Variants in TMOD1 observed in about 807,000 individuals in gnomAD.
The protein encoded by TMOD1 is tropomodulin-1.
A neutral mutation model predicts 40.6 loss-of-function variants in TMOD1; 17 were observed. The ratio of observed to expected loss-of-function variants is 0.42; its 90% CI spans 0.29 to 0.63. The LOEUF (loss-of-function observed/expected upper bound fraction) is 0.63, where lower values mean the gene tolerates loss of function less well. TMOD1 is among the 20% of genes least tolerant of loss of function. TMOD1 has a pLI of 0.22. For missense variants in TMOD1, 391 were observed against 447.6 expected (o/e 0.87, Z 1.14); for synonymous variants, 181 against 175.0 (o/e 1.03, Z -0.27).
At chr9:97,515,865 T>C (rs1440357918) in intron 1 of TMOD1, among the ~76,000 whole-genome samples, 2 of 152,066 alleles carry the variant, frequency 1.3e-5, no homozygotes, top group African/African-American at 4.8e-5. Flanking sequence ...CCATCACAGG[T>C]GACAACACGC....
chr9:97,547,877 A>C (rs903137354), intron 3 of TMOD1, among the ~76,000 whole-genome samples: 7 of 152,212 alleles, frequency 4.6e-5, no homozygotes, highest in African/African-American at 1.7e-4. Flanking sequence ...TACTCCCAGC[A>C]TGCAGCCAGT....
At chr9:97,546,394 G>A (rs2131247455) in intron 3 of TMOD1, 53 bp downstream of exon 3, 1 of 1,573,990 alleles carries the variant, frequency 6.4e-7, no homozygotes, top group Non-Finnish European at 8.6e-7. Flanking sequence ...ACCATTGAGT[G>A]CCGACTGTAT....
intron 1 of TMOD1, chr9:97,512,613 A>G (rs1477757567): frequency 2.6e-5 from 4 of 151,656 alleles, no homozygotes; most frequent in African/African-American, 9.7e-5. Flanking sequence ...AGCACAGGTG[A>G]ATCTCACAGA....
intron 8 of TMOD1, among the ~76,000 whole-genome samples, chr9:97,576,773 A>G (rs1315113832): frequency 6.6e-6 from 1 of 151,904 alleles, no homozygotes; most frequent in Admixed American, 6.6e-5. Flanking sequence ...AGCTGGGACT[A>G]CAGGTGCCCG....
At chr9:97,543,738 T>A (rs1326938986) in intron 2 of TMOD1, among the ~76,000 whole-genome samples, 1 of 152,208 alleles carries the variant, frequency 6.6e-6, no homozygotes, top group Non-Finnish European at 1.5e-5. Context: ...AGTGAGGTAT[T>A]GTCTCACTCT....
At chr9:97,555,721 T>C (rs1830527622) in intron 4 of TMOD1, 1 of 1,523,100 alleles carries the variant, frequency 6.6e-7, no homozygotes, top group South Asian at 1.2e-5. Context: ...TGTGAGTTGC[T>C]CTCAAGACCT....
chr9:97,558,362 C>T (rs531245725), intron 4 of TMOD1, among the ~76,000 whole-genome samples: 31 of 152,194 alleles, frequency 2.0e-4, no homozygotes, highest in African/African-American at 4.6e-4. Context: ...ATGGTTTTGG[C>T]GAACCATTTC....
chr9:97,551,186 G>A (rs919895833), intron 3 of TMOD1, among the ~76,000 whole-genome samples: 11 of 151,648 alleles, frequency 7.3e-5, no homozygotes, highest in African/African-American at 2.4e-4. Context: ...ATCACGCCCG[G>A]CTAATTTTTG....
At chr9:97,589,036 G>C (rs1394888575) in intron 8 of TMOD1, among the ~76,000 whole-genome samples, 1 of 146,828 alleles carries the variant, frequency 6.8e-6, no homozygotes, top group East Asian at 2.0e-4. Context: ...AGAATTGCTT[G>C]AACCCAGGAG....
At chr9:97,515,551 A>T (rs1207469069) in intron 1 of TMOD1, among the ~76,000 whole-genome samples, 2 of 152,186 alleles carry the variant, frequency 1.3e-5, no homozygotes, top group Non-Finnish European at 2.9e-5. Flanking sequence ...AAATGCTGGG[A>T]TTACAGGCAT....
intron 3 of TMOD1, among the ~76,000 whole-genome samples, chr9:97,546,633 C>T (rs1396883721): frequency 6.6e-6 from 1 of 152,134 alleles, no homozygotes; most frequent in African/African-American, 2.4e-5. Flanking sequence ...TTACGCAAAC[C>T]TAAACAGTTT....
At position 97,601,227 on chromosome 9, in the gene TMOD1, T is replaced by C. The variant is rs1826251217; in HGVS notation, c.*1529T>C. On this transcript the variant is annotated 3_prime_UTR_variant, in exon 10 of 10. Coordinates refer to ENST00000259365, the MANE Select transcript of TMOD1 (RefSeq NM_003275.4). ...CATTCTGCATCGCTGAAAACTGCAA[T>C]ATAATATTAAATCTGTTGGTCTATG... 1.6e-6 allele frequency: 2 copies of C among 1,273,016 alleles called. No homozygotes were observed. Among genetic ancestry groups the C allele is most frequent in the Admixed American group, 2.5e-5 (1 of 40,716 alleles). The allele number at this position is 1,273,016 out of a possible 1,614,324, so 78.9% of individuals were successfully genotyped here.
At chr9:97,589,978 G>T (rs1015294276) in intron 8 of TMOD1, among the ~76,000 whole-genome samples, 6 of 151,472 alleles carry the variant, frequency 4.0e-5, no homozygotes, top group South Asian at 2.1e-4. Flanking sequence ...ATACTTAAAA[G>T]TTTTTTTTCT....
intron 1 of TMOD1, among the ~76,000 whole-genome samples, chr9:97,510,971 T>C (rs1829686446): frequency 6.6e-6 from 1 of 152,086 alleles, no homozygotes; most frequent in South Asian, 2.1e-4. Context: ...GTCTTCAGAC[T>C]CTTTTCCTGG....
At chr9:97,552,070 T>A (rs1830462712) in intron 3 of TMOD1, among the ~76,000 whole-genome samples, 1 of 152,192 alleles carries the variant, frequency 6.6e-6, no homozygotes. Context: ...TCTAATAGGT[T>A]TTTTTGTGTG....
At chr9:97,549,596 T>C (rs1830417039) in intron 3 of TMOD1, among the ~76,000 whole-genome samples, 1 of 152,126 alleles carries the variant, frequency 6.6e-6, no homozygotes, top group Non-Finnish European at 1.5e-5. Context: ...TTATGATACA[T>C]TTTTTTCCCC....
intron 2 of TMOD1, among the ~76,000 whole-genome samples, chr9:97,541,346 C>T (rs1830272363): frequency 6.6e-6 from 1 of 151,988 alleles, no homozygotes; most frequent in African/African-American, 2.4e-5. Flanking sequence ...CGCCACCATG[C>T]CCGGCTAATT....
intron 2 of TMOD1, among the ~76,000 whole-genome samples, chr9:97,544,979 A>G (rs1429793247): frequency 1.3e-5 from 2 of 150,188 alleles, no homozygotes; most frequent in Non-Finnish European, 2.9e-5. Flanking sequence ...ACTGCATTCC[A>G]GCCTGGGTGC....
At chr9:97,555,404 T>C (rs1247598094) in intron 4 of TMOD1, 1 of 1,360,570 alleles carries the variant, frequency 7.3e-7, no homozygotes, top group Non-Finnish European at 9.5e-7. Flanking sequence ...TCAAAGGGAT[T>C]ATCAAATGAC....
Sources: gnomAD v4.1 joint callset for allele counts (sites outside exome capture counted in the v4.1 genomes callset) on GRCh38, gnomAD v4.1.1 for gene constraint, MANE v1.5 for transcripts, NCBI Gene and HGNC (gene_info 2026-07-23, HGNC 2026-07-21) for gene names.